TRIM2: variants seen among roughly 807,000 people sequenced by gnomAD.
The protein encoded by TRIM2 is tripartite motif containing 2, also known as tripartite motif-containing protein 2.
Under a neutral mutation model 75.2 loss-of-function variants are expected in TRIM2, and 20 were observed. That is an observed-to-expected ratio of 0.27 (90% confidence interval 0.19 to 0.39). TRIM2 has a LOEUF of 0.39. Ranked by LOEUF, TRIM2 falls within the 10% of genes least tolerant of loss-of-function variation. TRIM2 has a pLI of 1.00. For synonymous variants in TRIM2, 373 were observed against 388.3 expected, an observed-to-expected ratio of 0.96 and a Z score of 0.46; for missense variants, 660 against 990.8, an observed-to-expected ratio of 0.67 and a Z score of 4.48.
intron 6 of TRIM2, among the ~76,000 whole-genome samples, chr4:153,314,115 T>C (rs1208401619): frequency 2.6e-5 from 4 of 152,180 alleles, no homozygotes; most frequent in Non-Finnish European, 5.9e-5. Context: ...CAAAACCAGA[T>C]GTCCGTTAAC....
rs546191829 is a variant in TRIM2 at position 153,198,978 on chromosome 4, G to A, written c.-49+45708G>A. Among the ~76,000 whole-genome samples the A allele has an allele frequency of 2.0e-5, 3 of 152,220 alleles. No homozygotes were observed. In the East Asian group the frequency reaches 5.8e-4, roughly 29 times the overall value. ...AATTTTCTGAACTGCATAATCTAAT[G>A]GTTCGAAATTTAGAAAGTAGTGATG... On this transcript the variant is annotated intron_variant, in intron 1 of 11. Transcript: ENST00000437508.
At chr4:153,273,270 C>CTTTTTTTTTTTTTTTTTTTTTTTTTTTTT (rs72414117) in intron 2 of TRIM2, among the ~76,000 whole-genome samples, 4 of 57,386 alleles carry the variant, frequency 7.0e-5, no homozygotes, top group African/African-American at 1.4e-4. Flanking sequence ...TACAGTCACT[C>CTTTTTTTTTTTTTTTTTTTTTTTTTTTTT]TTTTTTTTTT....
At chr4:153,240,805 G>A (rs185566092) in intron 1 of TRIM2, among the ~76,000 whole-genome samples, 184 of 152,344 alleles carry the variant, frequency 1.2e-3, no homozygotes, top group African/African-American at 4.1e-3. Flanking sequence ...CTGGCCGGGC[G>A]TGGTGGCTCA....
At chr4:153,177,069 CT>C (rs1424681161) in intron 1 of TRIM2, among the ~76,000 whole-genome samples, 1 of 152,242 alleles carries the variant, frequency 6.6e-6, no homozygotes, top group African/African-American at 2.4e-5. Context: ...AGCTGCATCT[CT>C]TTTGTTGTTG....
At chr4:153,294,548 T>C in intron 5 of TRIM2, 63 bp downstream of exon 5, 2 of 1,536,976 alleles carry the variant, frequency 1.3e-6, no homozygotes, top group South Asian at 1.2e-5. Context: ...ACTAGCTTAT[T>C]GTTTCCTAAT....
chr4:153,192,258 A>T (rs944366531), intron 1 of TRIM2, among the ~76,000 whole-genome samples: 11 of 152,198 alleles, frequency 7.2e-5, no homozygotes, highest in African/African-American at 2.7e-4. Context: ...AAGTCTCTAC[A>T]TTACAATCAA....
chr4:153,204,312 A>G (rs1379616060), upstream of TRIM2: 3 of 581,702 alleles, frequency 5.2e-6, no homozygotes, highest in Middle Eastern at 4.6e-4. Flanking sequence ...GGAATGAAAC[A>G]CAATATCTTA....
At chr4:153,314,627 T>C (rs1005722386) in intron 6 of TRIM2, among the ~76,000 whole-genome samples, 6 of 151,710 alleles carry the variant, frequency 4.0e-5, no homozygotes, top group Admixed American at 3.3e-4. Flanking sequence ...TGGGTGGAAA[T>C]ATTTTCTTGG....
chr4:153,308,569 T>C (rs1765531727), intron 6 of TRIM2: 1 of 696,410 alleles, frequency 1.4e-6, no homozygotes, highest in Non-Finnish European at 2.7e-6. Flanking sequence ...TCTCTGTGCA[T>C]TGCTGTGGTT....
intron 1 of TRIM2, among the ~76,000 whole-genome samples, chr4:153,268,834 G>A (rs1328843396): frequency 2.0e-5 from 3 of 152,228 alleles, no homozygotes; most frequent in African/African-American, 7.2e-5. Flanking sequence ...AACCTTCTCT[G>A]AATTAATTCA....
chr4:153,322,283 C>T (rs898451346), intron 8 of TRIM2, among the ~76,000 whole-genome samples: 24 of 152,048 alleles, frequency 1.6e-4, no homozygotes, highest in Non-Finnish European at 2.9e-4. Context: ...TGGTGGTGCA[C>T]GCCTGTAGTC....
intron 9 of TRIM2, 44 bp downstream of exon 9, chr4:153,322,860 TCTG>T: frequency 6.2e-7 from 1 of 1,608,922 alleles, no homozygotes. Flanking sequence ...TTATGCTTCT[TCTG>T]CTCACATTTG....
At chr4:153,324,578 T>C (rs1769743659) in intron 10 of TRIM2, 2 of 186,482 alleles carry the variant, frequency 1.1e-5, no homozygotes, top group South Asian at 1.3e-4. Flanking sequence ...AATCCTAGCA[T>C]ACATTCATAC....
At chr4:153,297,511 A>G (rs979967156) in intron 6 of TRIM2, among the ~76,000 whole-genome samples, 1 of 152,228 alleles carries the variant, frequency 6.6e-6, no homozygotes, top group Non-Finnish European at 1.5e-5. Flanking sequence ...AGCTAAATGA[A>G]TGAGAGCTAT....
intron 1 of TRIM2, among the ~76,000 whole-genome samples, chr4:153,178,718 A>G (rs1300856659): frequency 3.9e-5 from 6 of 152,200 alleles, no homozygotes; most frequent in African/African-American, 1.4e-4. Flanking sequence ...AATACTTTAA[A>G]GGCTCTGAGA....
In TRIM2 at chr4:153,206,346, G is replaced by A. The variant is rs550096106; in HGVS notation, c.30+1786G>A. ...GTGTAACTTTGTCTAACTTTGTGCT[G>A]TAAGTCAGAGATTGACTTCTTGGGG... On this transcript the variant is annotated intron_variant, in intron 1 of 11. Coordinates refer to ENST00000338700, the MANE Select transcript of TRIM2 (RefSeq NM_015271.5). Among the ~76,000 whole-genome samples the A allele has an allele frequency of 8.5e-5, 13 of 152,338 alleles. No individual in the cohort carries two copies. In the South Asian group the frequency reaches 2.5e-3, roughly 29 times the overall value.
Position 153,335,245 on chromosome 4 carries a change from C to A in TRIM2, c.*279C>A. ...AAGGGACAGGATTTATGTAGCTAAACTAATTTTGCAAATCAAACAGACACT... is the reference window on the plus strand; with the variant it reads ...AAGGGACAGGATTTATGTAGCTAAAATAATTTTGCAAATCAAACAGACACT... On this transcript the variant is annotated 3_prime_UTR_variant, in exon 12 of 12. Coordinates refer to ENST00000338700, the MANE Select transcript of TRIM2 (RefSeq NM_015271.5). The A allele has an allele frequency of 9.1e-7, 1 of 1,099,348 alleles. No homozygotes were observed. The highest frequency in any genetic ancestry group is 1.1e-6 in the Non-Finnish European group (1 of 906,176). 68.1% of individuals were successfully genotyped at this position (1,099,348 alleles called of 1,614,324 possible). A position where few individuals can be genotyped will look rare whatever the true frequency, so the allele number is the denominator to read the frequency against.
Position 153,336,847 on chromosome 4 carries a change from TAG to T in TRIM2, c.*1884_*1885del. 1 of 985,394 alleles carries T rather than the reference TAG, an allele frequency of 1.0e-6. No homozygotes were observed. The highest frequency in any genetic ancestry group is 1.2e-6 in the Non-Finnish European group (1 of 829,540). The allele number at this position is 985,394 out of a possible 1,614,324, so 61.0% of individuals were successfully genotyped here. On this transcript the variant is annotated 3_prime_UTR_variant, in exon 12 of 12. Coordinates refer to ENST00000338700, the MANE Select transcript of TRIM2 (RefSeq NM_015271.5). ...TAGGTTTAATATTTTTTTAGTTAGG[TAG>T]AGTTTTAAAAAATACTTGAGCCTGT...
intron 7 of TRIM2, 75 bp from the exon 8 acceptor site, chr4:153,315,757 A>C: frequency 6.4e-7 from 1 of 1,554,810 alleles, no homozygotes; most frequent in Non-Finnish European, 8.9e-7. Flanking sequence ...TATGTATGGC[A>C]GATGTTTCTG....
Sources: allele counts gnomAD v4.1 joint callset (sites outside exome capture counted in the v4.1 genomes callset), GRCh38; gene constraint gnomAD v4.1.1; transcripts MANE v1.5; gene names NCBI Gene and HGNC (gene_info 2026-07-23, HGNC 2026-07-21).